Variants in DPP6 observed in about 807,000 individuals in gnomAD.
The protein encoded by DPP6 is A-type potassium channel modulatory protein DPP6.
A neutral mutation model predicts 122.6 loss-of-function variants in DPP6; 69 were observed. That is an observed-to-expected ratio of 0.56 (90% CI 0.46 to 0.69). DPP6 has a LOEUF of 0.69. Among genes scored for constraint, DPP6 ranks in the 30% least tolerant of loss-of-function variants. The pLI, the probability that DPP6 is intolerant of heterozygous loss-of-function variation, is 0.00. For synonymous variants in DPP6, 418 were observed against 433.1 expected (o/e 0.97, Z 0.43); for missense variants, 928 against 1,116.9 (o/e 0.83, Z 2.41).
upstream of DPP6, among the ~76,000 whole-genome samples, chr7:153,884,987 A>AATATATATATATATATATAT (rs56329841): frequency 7.7e-5 from 9 of 116,462 alleles, no homozygotes; most frequent in African/African-American, 2.4e-4. Flanking sequence ...TCAAAACAAA[A>AATATATATATATATATATAT]ATATATATAT....
At chr7:154,073,719 A>G (rs1803296496) in intron 1 of DPP6, among the ~76,000 whole-genome samples, 2 of 152,268 alleles carry the variant, frequency 1.3e-5, no homozygotes, top group African/African-American at 4.8e-5. Flanking sequence ...TTGGCATTAA[A>G]GATCCTAAGG....
intron 1 of DPP6, among the ~76,000 whole-genome samples, chr7:154,167,389 A>G (rs1423040643): frequency 1.3e-5 from 2 of 152,212 alleles, no homozygotes; most frequent in Admixed American, 1.3e-4. Context: ...ACAGAGCTAT[A>G]GGTGCTGGGT....
chr7:154,599,373 G>C (rs1264416221), intron 5 of DPP6, among the ~76,000 whole-genome samples: 1 of 152,128 alleles, frequency 6.6e-6, no homozygotes, highest in Admixed American at 6.5e-5. Context: ...CAGGGTAGAA[G>C]ATATTATCCT....
At chr7:154,080,045 A>G (rs1803876637) in intron 1 of DPP6, among the ~76,000 whole-genome samples, 1 of 151,092 alleles carries the variant, frequency 6.6e-6, no homozygotes, top group South Asian at 2.1e-4. Context: ...CACACGAGAT[A>G]GCGCAGGCTG....
the DPP6 span, among the ~76,000 whole-genome samples, chr7:153,854,901 T>A: frequency 2.5e-4 from 35 of 140,998 alleles, no homozygotes; most frequent in African/African-American, 9.0e-4. Flanking sequence ...TGGAATACTA[T>A]GCAGCCATAA....
chr7:153,856,714 T>C, the DPP6 span, among the ~76,000 whole-genome samples: 111 of 152,318 alleles, frequency 7.3e-4, no homozygotes, highest in African/African-American at 2.5e-3. Flanking sequence ...GTTTGCTAAC[T>C]TACCAGGTAA....
chr7:153,813,911 T>A, the DPP6 span, among the ~76,000 whole-genome samples: 1 of 152,200 alleles, frequency 6.6e-6, no homozygotes, highest in African/African-American at 2.4e-5. Context: ...CATTGTAGAT[T>A]CTGGATATTA....
chr7:154,309,427 T>C (rs1217626539), intron 1 of DPP6, among the ~76,000 whole-genome samples: 1 of 152,184 alleles, frequency 6.6e-6, no homozygotes, highest in Non-Finnish European at 1.5e-5. Flanking sequence ...AAGAACTTTT[T>C]GAAATGAATA....
At chr7:154,310,829 A>C (rs531159417) in intron 1 of DPP6, among the ~76,000 whole-genome samples, 1 of 152,296 alleles carries the variant, frequency 6.6e-6, no homozygotes, top group South Asian at 2.1e-4. Context: ...ATGAACGGTC[A>C]CCGTCTCTGC....
At chr7:153,787,126 A>G in the DPP6 span, among the ~76,000 whole-genome samples, 1 of 137,104 alleles carries the variant, frequency 7.3e-6, no homozygotes, top group South Asian at 2.6e-4. Flanking sequence ...TAATTTTTGT[A>G]TTTTTAGTAG....
At chr7:153,763,951 A>G in the DPP6 span, among the ~76,000 whole-genome samples, 2 of 152,198 alleles carry the variant, frequency 1.3e-5, no homozygotes, top group Non-Finnish European at 2.9e-5. Flanking sequence ...CCACCCTTTC[A>G]TGAATTCACC....
chr7:154,821,641 TATATACAC>T lies in DPP6; in HGVS notation c.1666+14535_1666+14542del, dbSNP rs59603319. ...TATTTTTTTTCTGTATATATATATA[TATATACAC>T]ATATATATATATATACACATATATA... On this transcript the variant is annotated intron_variant, in intron 16 of 25. Coordinates refer to ENST00000377770, the MANE Select transcript of DPP6 (RefSeq NM_130797.4). The surrounding 1 kb of genome is among the most constrained non-coding windows in gnomAD (Gnocchi z 4.2). Among the ~76,000 whole-genome samples, 688 of 87,400 alleles carry T rather than the reference TATATACAC, an allele frequency of 7.9e-3. 11 individuals carry two copies. Among genetic ancestry groups the T allele is most frequent in the African/African-American group, 0.043 (670 of 15,538 alleles). The allele number at this position is 87,400 out of a possible 152,430, so 57.3% of individuals were successfully genotyped here. A position where few individuals can be genotyped will look rare whatever the true frequency, so the allele number is the denominator to read the frequency against.
chr7:154,423,881 G>A (rs919710721), intron 1 of DPP6, among the ~76,000 whole-genome samples: 1 of 152,128 alleles, frequency 6.6e-6, no homozygotes, highest in African/African-American at 2.4e-5. Context: ...AGTTAAAGCC[G>A]GAAACTCACA....
At chr7:154,401,392 G>C (rs286833) in intron 1 of DPP6, among the ~76,000 whole-genome samples, 140,192 of 152,140 alleles carry the variant, frequency 0.92, 64,834 homozygotes, top group East Asian at 1. Flanking sequence ...ACTTTGTTCA[G>C]TACAACCCCA....
chr7:154,436,508 C>T (rs997084487), intron 1 of DPP6, among the ~76,000 whole-genome samples: 2 of 152,150 alleles, frequency 1.3e-5, no homozygotes, highest in Admixed American at 6.5e-5. Flanking sequence ...TCTCTCCCAC[C>T]GCGTGCAAGT....
At chr7:154,022,588 C>A (rs566174441) in intron 1 of DPP6, among the ~76,000 whole-genome samples, 2 of 152,134 alleles carry the variant, frequency 1.3e-5, no homozygotes, top group Non-Finnish European at 2.9e-5. Flanking sequence ...GATGCTCCCC[C>A]CTGAAATTTT....
the DPP6 span, among the ~76,000 whole-genome samples, chr7:153,858,661 C>T: frequency 6.6e-6 from 1 of 152,210 alleles, no homozygotes; most frequent in African/African-American, 2.4e-5. Context: ...ATTAAATCCA[C>T]TGCTGTCATC....
chr7:153,988,888 C>T (rs950837318), intron 1 of DPP6, among the ~76,000 whole-genome samples: 1 of 149,542 alleles, frequency 6.7e-6, no homozygotes, highest in South Asian at 2.1e-4. Flanking sequence ...GCTGGGAGAG[C>T]GGTGATGTAT....
At chr7:154,770,150 G>T (rs1241321331) in intron 9 of DPP6, among the ~76,000 whole-genome samples, 1 of 152,146 alleles carries the variant, frequency 6.6e-6, no homozygotes, top group Admixed American at 6.5e-5. Context: ...TCATGCTGCT[G>T]ATTAAGACAT....
Sources: allele counts gnomAD v4.1 joint callset (sites outside exome capture counted in the v4.1 genomes callset), GRCh38; gene constraint gnomAD v4.1.1; non-coding constraint Gnocchi (gnomAD v3.1); transcripts MANE v1.5; gene names NCBI Gene and HGNC (gene_info 2026-07-23, HGNC 2026-07-21).